Variants in RALY observed in about 807,000 individuals in gnomAD.
RALY encodes RALY heterogeneous nuclear ribonucleoprotein.
RALY carries 15 observed loss-of-function variants against 30.7 expected under a neutral mutation model. The observed-to-expected ratio is 0.49, with a 90% CI of 0.33 to 0.75. The LOEUF (loss-of-function observed/expected upper bound fraction) is 0.75, where lower values mean the gene tolerates loss of function less well. Among genes scored for constraint, RALY ranks in the 30% least tolerant of loss-of-function variants. The pLI, the probability that RALY is intolerant of heterozygous loss-of-function variation, is 0.02. For missense variants in RALY, 339 were observed against 414.3 expected, an observed-to-expected ratio of 0.82 and a Z score of 1.58; for synonymous variants, 177 against 170.8, an observed-to-expected ratio of 1.04 and a Z score of -0.28.
rs1353448059 is a variant in RALY at position 34,080,569 on chromosome 20, GTCTCTACCT to G, written c.*670_*678del. On this transcript the variant is annotated 3_prime_UTR_variant, in exon 10 of 10. Transcript: ENST00000246194. ...CTTAAAAGGATTCTAGAGTCTGCCA[GTCTCTACCT>G]TCTCTCTTCTGGCTTAGGACACTAT... is the stretch of plus-strand genomic sequence containing the variant. 3 of 152,282 alleles carry G rather than the reference GTCTCTACCT, an allele frequency of 2.0e-5. 1 individual carries two copies. Among genetic ancestry groups the G allele is most frequent in the Middle Eastern group, 6.3e-3 (2 of 316 alleles). The allele number at this position is 152,282 out of a possible 1,614,324, so 9.4% of individuals were successfully genotyped here. A position where few individuals can be genotyped will look rare whatever the true frequency, so the allele number is the denominator to read the frequency against.
intron 1 of RALY, among the ~76,000 whole-genome samples, chr20:34,012,148 T>TTTCC (rs1231718719): frequency 3.3e-5 from 5 of 152,084 alleles, no homozygotes; most frequent in Non-Finnish European, 7.4e-5. Context: ...TTTGTTTGGT[T>TTTCC]TTCCTGCCTC....
chr20:34,035,483 C>CTTA (rs1252194684), intron 2 of RALY, among the ~76,000 whole-genome samples: 1 of 151,964 alleles, frequency 6.6e-6, no homozygotes, highest in Non-Finnish European at 1.5e-5. Context: ...ATCAGAAGAG[C>CTTA]TAAGCTTAGA....
At chr20:34,077,781 C>T (rs1161451630) in intron 8 of RALY, 4 of 193,988 alleles carry the variant, frequency 2.1e-5, no homozygotes, top group Non-Finnish European at 3.2e-5. Flanking sequence ...ATGGGTTGTA[C>T]ACTTGCTGCT....
intron 9 of RALY, among the ~76,000 whole-genome samples, chr20:34,079,224 CTGA>C (rs1296118360): frequency 4.3e-4 from 65 of 152,304 alleles, no homozygotes; most frequent in Non-Finnish European, 4.4e-5. Context: ...ATCCCACAAG[CTGA>C]TGATTGTACC....
chr20:34,077,044 T>TGATG lies in RALY; in HGVS notation c.678_681dup (p.Gly228TrpfsTer39). 1 of 1,590,416 alleles carries TGATG rather than the reference T, an allele frequency of 6.3e-7. No homozygotes were observed. The highest frequency in any genetic ancestry group is 8.5e-7 in the Non-Finnish European group (1 of 1,173,708). On this transcript the variant is annotated frameshift_variant, in exon 8 of 10. Transcript: ENST00000246194. LOFTEE classifies it high-confidence loss of function. ...CCCCTCAAGATGGCAAGAAGAAGGG[T>TGATG]GATGGAGGTGGCGCCGGCGGCGGCG...
intron 2 of RALY, among the ~76,000 whole-genome samples, chr20:34,056,220 T>A (rs907993854): frequency 6.6e-6 from 1 of 152,230 alleles, no homozygotes; most frequent in Admixed American, 6.5e-5. Flanking sequence ...GTGGGATCTC[T>A]GTCAAACTTC....
At chr20:34,057,828 G>A (rs2033297787) in intron 2 of RALY, among the ~76,000 whole-genome samples, 1 of 151,578 alleles carries the variant, frequency 6.6e-6, no homozygotes, top group Non-Finnish European at 1.5e-5. Flanking sequence ...AATGAGGAGG[G>A]CGTGGTGAAT....
At chr20:34,076,412 TG>T (rs924067043) in intron 6 of RALY, among the ~76,000 whole-genome samples, 1 of 152,174 alleles carries the variant, frequency 6.6e-6, no homozygotes, top group African/African-American at 2.4e-5. Flanking sequence ...CTTGCTCAGG[TG>T]CACACAGAAG....
intron 2 of RALY, among the ~76,000 whole-genome samples, chr20:34,056,071 C>T (rs6059649): frequency 0.74 from 112,842 of 152,152 alleles, 42,304 homozygotes; most frequent in South Asian, 0.85. Flanking sequence ...AACATCAGAA[C>T]GGGTGATGGC....
At chr20:34,020,038 GCA>G (rs1255660711) in intron 1 of RALY, among the ~76,000 whole-genome samples, 1 of 152,134 alleles carries the variant, frequency 6.6e-6, no homozygotes, top group African/African-American at 2.4e-5. Flanking sequence ...TCCAGCCTGG[GCA>G]ACAGAGCAAG....
intron 2 of RALY, among the ~76,000 whole-genome samples, chr20:34,050,808 C>A (rs1396322688): frequency 6.6e-6 from 1 of 152,160 alleles, no homozygotes; most frequent in African/African-American, 2.4e-5. Context: ...AGTCTAGCCC[C>A]ACAGCCAGTA....
chr20:33,994,346 T>A (rs920867279), intron 1 of RALY: 4 of 152,842 alleles, frequency 2.6e-5, no homozygotes, highest in African/African-American at 9.7e-5. Context: ...GCCCCAGCCC[T>A]CCGCGCCCGG....
chr20:34,075,457 C>T (rs1281585442), intron 5 of RALY, among the ~76,000 whole-genome samples: 5 of 152,004 alleles, frequency 3.3e-5, no homozygotes, highest in Non-Finnish European at 7.4e-5. Context: ...ACTCCCATAC[C>T]TCTCTATTCC....
At chr20:34,033,982 A>G (rs2032379796) in intron 2 of RALY, among the ~76,000 whole-genome samples, 1 of 152,146 alleles carries the variant, frequency 6.6e-6, no homozygotes, top group South Asian at 2.1e-4. Context: ...CACGATTTGC[A>G]ATATGTGTGC....
chr20:34,023,926 T>C (rs1186268557), intron 1 of RALY, among the ~76,000 whole-genome samples: 1 of 152,080 alleles, frequency 6.6e-6, no homozygotes, highest in African/African-American at 2.4e-5. Context: ...ACAGGCTGGG[T>C]GTGGTGGCTC....
intron 1 of RALY, among the ~76,000 whole-genome samples, chr20:34,027,421 T>C (rs2032085665): frequency 6.6e-6 from 1 of 152,230 alleles, no homozygotes; most frequent in South Asian, 2.1e-4. Context: ...TGAGGCATAG[T>C]AGCAGCCCAT....
Position 34,013,413 on chromosome 20 carries a change from CAAAAAAAA to C in RALY, c.-92-18093_-92-18086del, listed in dbSNP as rs34859292. The stretch of plus-strand genomic sequence containing the variant: ...TAGGCATCAGAACGAGACCTTGTCT[CAAAAAAAA>C]AAAAAAAAAAAAAAAGGCATTTCGA... On this transcript the variant is annotated intron_variant, in intron 1 of 9. Transcript: ENST00000246194. Among the ~76,000 whole-genome samples, 6 of 84,798 alleles carry C rather than the reference CAAAAAAAA, an allele frequency of 7.1e-5. No homozygotes were observed. In the South Asian group the frequency reaches 1.7e-3, roughly 24 times the overall value. The allele number at this position is 84,798 out of a possible 152,430, so 55.6% of individuals were successfully genotyped here.
At chr20:34,071,299 T>TC (rs1426259483) in intron 2 of RALY, among the ~76,000 whole-genome samples, 2 of 151,966 alleles carry the variant, frequency 1.3e-5, no homozygotes, top group African/African-American at 4.8e-5. Context: ...TCTTTTCTTT[T>TC]TTTTTTTTAG....
rs761012335 is a variant in RALY at position 34,077,074 on chromosome 20, T to A, written c.705T>A (p.Gly235=). 9.1e-7 allele frequency: 1 copy of A among 1,100,298 alleles called. No homozygotes were observed. The highest frequency in any genetic ancestry group is 1.3e-6 in the Non-Finnish European group (1 of 781,334). 68.2% of individuals were successfully genotyped at this position (1,100,298 alleles called of 1,614,324 possible). A position where few individuals can be genotyped will look rare whatever the true frequency, so the allele number is the denominator to read the frequency against. Residue 235 remains glycine, a synonymous_variant, in exon 8 of 10, where the codon GGT becomes GGA. Coordinates refer to ENST00000246194, the MANE Select transcript of RALY (RefSeq NM_016732.3). Reference sequence around the variant, plus strand: ...GAGGTGGCGCCGGCGGCGGCGGCGGTGGTGGTGGCAGCGGTGGCGGTGGCA... The same window carrying A: ...GAGGTGGCGCCGGCGGCGGCGGCGGAGGTGGTGGCAGCGGTGGCGGTGGCA... ...GDGGGAGGGG[G]GGGSGGGGSG... is the part of the protein sequence containing the mutation.
Sources: gnomAD v4.1 joint callset for allele counts (sites outside exome capture counted in the v4.1 genomes callset) on GRCh38, gnomAD v4.1.1 for gene constraint, MANE v1.5 for transcripts, NCBI Gene and HGNC (gene_info 2026-07-23, HGNC 2026-07-21) for gene names.